The following KDM7A variants were observed in gnomAD, a reference collection of about 807,000 sequenced individuals.
KDM7A encodes the protein lysine-specific demethylase 7A.
KDM7A carries 28 observed loss-of-function variants against 114.8 expected under a neutral mutation model. The ratio of observed to expected loss-of-function variants is 0.24; its 90% CI spans 0.18 to 0.33. KDM7A has a LOEUF of 0.33. KDM7A is among the 10% of genes least tolerant of loss of function. The pLI is 1.00. For missense variants in KDM7A, 942 were observed against 1,142.5 expected, an observed-to-expected ratio of 0.82 and a Z score of 2.53; for synonymous variants, 423 against 397.8, an observed-to-expected ratio of 1.06 and a Z score of -0.75.
chr7:140,085,721 T>C lies in KDM7A; in HGVS notation c.*5373A>G, dbSNP rs949246716. ...TAAGGCCCTTAGTTTGGTTTAGGTT[T>C]CTTTTGCAAGATAAAATAACCTTGG... On this transcript the variant is annotated 3_prime_UTR_variant, in exon 20 of 20. Transcript: ENST00000397560. The C allele has an allele frequency of 6.6e-6, 1 of 152,206 alleles. No individual in the cohort carries two copies. The highest frequency in any genetic ancestry group is 1.5e-5 in the Non-Finnish European group (1 of 68,038). The allele number at this position is 152,206 out of a possible 1,614,324, so 9.4% of individuals were successfully genotyped here. A position where few individuals can be genotyped will look rare whatever the true frequency, so the allele number is the denominator to read the frequency against.
intron 2 of KDM7A, among the ~76,000 whole-genome samples, chr7:140,137,934 T>C (rs543164724): frequency 6.6e-6 from 1 of 151,436 alleles, no homozygotes; most frequent in Admixed American, 6.6e-5. Context: ...TGTATCAAGG[T>C]ACATTCAGGC....
At chr7:140,127,792 G>GT (rs1818730445) in intron 4 of KDM7A, among the ~76,000 whole-genome samples, 1 of 152,206 alleles carries the variant, frequency 6.6e-6, no homozygotes, top group African/African-American at 2.4e-5. Flanking sequence ...AAGGAAAGCA[G>GT]TAAGACAGAG....
intron 1 of KDM7A, among the ~76,000 whole-genome samples, chr7:140,166,749 T>C (rs1017938158): frequency 3.3e-5 from 5 of 152,196 alleles, no homozygotes; most frequent in Admixed American, 6.5e-5. Context: ...ACCCACGATC[T>C]ACCACTATTC....
chr7:140,135,216 T>G (rs1259878052), intron 2 of KDM7A, among the ~76,000 whole-genome samples: 1 of 151,176 alleles, frequency 6.6e-6, no homozygotes, highest in Non-Finnish European at 1.5e-5. Flanking sequence ...TTTTTTTTTT[T>G]TTTTTTGAGA....
At chr7:140,167,491 T>C (rs1401640504) in intron 1 of KDM7A, among the ~76,000 whole-genome samples, 2 of 152,186 alleles carry the variant, frequency 1.3e-5, no homozygotes, top group Non-Finnish European at 2.9e-5. Flanking sequence ...TATATAAATA[T>C]GTTTTGGCAT....
chr7:140,126,575 C>A, intron 6 of KDM7A, 62 bp downstream of exon 6: 1 of 982,334 alleles, frequency 1.0e-6, no homozygotes, highest in South Asian at 2.5e-5. Flanking sequence ...ATGAATATAC[C>A]ACTGAAAAAC....
intron 1 of KDM7A, among the ~76,000 whole-genome samples, chr7:140,145,409 T>C (rs1794329597): frequency 6.6e-6 from 1 of 152,180 alleles, no homozygotes; most frequent in African/African-American, 2.4e-5. Flanking sequence ...GCAACTGACC[T>C]ATAAGGAGGC....
intron 1 of KDM7A, among the ~76,000 whole-genome samples, chr7:140,168,303 T>A (rs1378194870): frequency 6.6e-6 from 1 of 152,112 alleles, no homozygotes; most frequent in Admixed American, 6.6e-5. Context: ...TGGTGGCTCA[T>A]ACCTGTAATC....
chr7:140,126,533 AC>A (rs1320025782), intron 6 of KDM7A, 103 bp downstream of exon 6: 161 of 592,160 alleles, frequency 2.7e-4, no homozygotes, highest in African/African-American at 9.9e-4. Context: ...AAAAAAAAAA[AC>A]TTCCCCCTTT....
Position 140,176,425 on chromosome 7 carries a change from CCCCGCCGCG to C in KDM7A, c.194+310_194+318del, listed in dbSNP as rs895410418. 4.8e-5 allele frequency among the ~76,000 whole-genome samples: 7 copies of C among 144,660 alleles called. No individual in the cohort carries two copies. Among genetic ancestry groups the C allele is most frequent in the Non-Finnish European group, 1.1e-4 (7 of 65,178 alleles). 94.9% of individuals were successfully genotyped at this position (144,660 alleles called of 152,430 possible). Reference sequence around the variant, plus strand: ...ACCCGGCCGGCGCTCCGCCCGACGCCCCCGCCGCGCCCGCCCGGCCGCGTCCCCTCGCCC... The same window carrying C: ...ACCCGGCCGGCGCTCCGCCCGACGCCCCCGCCCGGCCGCGTCCCCTCGCCC... On this transcript the variant is annotated intron_variant, in intron 1 of 19. Coordinates refer to ENST00000397560, the MANE Select transcript of KDM7A (RefSeq NM_030647.2). This position sits in a 1 kb window ranked among gnomAD's most constrained non-coding sequence, Gnocchi z 4.4.
intron 1 of KDM7A, among the ~76,000 whole-genome samples, chr7:140,143,761 T>A (rs1794311054): frequency 6.6e-6 from 1 of 152,290 alleles, no homozygotes; most frequent in East Asian, 1.9e-4. Flanking sequence ...CCAAAAGATG[T>A]CAACAAATAA....
intron 1 of KDM7A, among the ~76,000 whole-genome samples, chr7:140,146,311 G>A (rs1377161030): frequency 1.3e-5 from 2 of 152,000 alleles, no homozygotes; most frequent in Non-Finnish European, 2.9e-5. Flanking sequence ...GAACCAAAAG[G>A]AACTACTGCC....
At chr7:140,119,949 A>G (rs1818592714) in intron 8 of KDM7A, among the ~76,000 whole-genome samples, 1 of 152,248 alleles carries the variant, frequency 6.6e-6, no homozygotes. Flanking sequence ...TTACCTAGTA[A>G]AAGTCAACAC....
intron 1 of KDM7A, among the ~76,000 whole-genome samples, chr7:140,166,209 A>G (rs1239553344): frequency 2.6e-5 from 4 of 152,144 alleles, no homozygotes; most frequent in Non-Finnish European, 5.9e-5. Flanking sequence ...CTGTATATGC[A>G]TATTAATAGA....
intron 2 of KDM7A, among the ~76,000 whole-genome samples, chr7:140,134,301 T>C (rs1264772196): frequency 6.6e-6 from 1 of 152,238 alleles, no homozygotes; most frequent in East Asian, 1.9e-4. Flanking sequence ...AAGATTTGGA[T>C]TTGATTCCTA....
chr7:140,159,255 G>A (rs573587957), intron 1 of KDM7A, among the ~76,000 whole-genome samples: 1 of 152,308 alleles, frequency 6.6e-6, no homozygotes, highest in South Asian at 2.1e-4. Flanking sequence ...GCTGAGGCAG[G>A]AGAATCACTT....
intron 2 of KDM7A, 31 bp downstream of exon 2, chr7:140,139,074 G>A (rs765514346): frequency 7.1e-7 from 1 of 1,412,084 alleles, no homozygotes; most frequent in Non-Finnish European, 1.0e-6. Context: ...TTTCTGAAAT[G>A]TCCATTTTTA....
intron 1 of KDM7A, among the ~76,000 whole-genome samples, chr7:140,159,897 T>C (rs951220891): frequency 3.3e-5 from 5 of 149,946 alleles, no homozygotes; most frequent in South Asian, 4.2e-4. Flanking sequence ...CTGCTTTGTA[T>C]AGCCATTCTC....
rs1818605637 is a variant in KDM7A at position 140,120,668 on chromosome 7, A to G, written c.1052-139T>C. 1.2e-5 allele frequency: 7 copies of G among 562,538 alleles called. No individual in the cohort carries two copies. In the South Asian group the frequency reaches 1.8e-4, roughly 15 times the overall value. The allele number at this position is 562,538 out of a possible 1,614,324, so 34.8% of individuals were successfully genotyped here. On this transcript the variant is annotated intron_variant, in intron 7 of 19. Coordinates refer to ENST00000397560, the MANE Select transcript of KDM7A (RefSeq NM_030647.2). ...AGTGCTAGAGAAGTTAATGTTTATTACAATCTATAGATTTAATTATTTATT... is the reference window on the plus strand; with the variant it reads ...AGTGCTAGAGAAGTTAATGTTTATTGCAATCTATAGATTTAATTATTTATT...
Sources: gnomAD v4.1 joint callset for allele counts (sites outside exome capture counted in the v4.1 genomes callset) on GRCh38, gnomAD v4.1.1 for gene constraint, Gnocchi (gnomAD v3.1) non-coding constraint, MANE v1.5 for transcripts, NCBI Gene and HGNC (gene_info 2026-07-23, HGNC 2026-07-21) for gene names.